The following ARB2A variants were observed in gnomAD, a reference collection of about 807,000 sequenced individuals.
ARB2A encodes the protein cotranscriptional regulator ARB2A.
the ARB2A span, among the ~76,000 whole-genome samples, chr5:93,803,748 T>G: frequency 6.6e-6 from 1 of 151,872 alleles, no homozygotes; most frequent in Non-Finnish European, 1.5e-5. Context: ...CTTCCATTTT[T>G]GGACATAAGA....
the ARB2A span, among the ~76,000 whole-genome samples, chr5:94,099,862 T>C: frequency 6.6e-6 from 1 of 151,994 alleles, no homozygotes; most frequent in Non-Finnish European, 1.5e-5. Context: ...CTGGAAGCAT[T>C]CCCCTGAAAA....
At chr5:93,879,266 G>T in the ARB2A span, among the ~76,000 whole-genome samples, 65 of 152,090 alleles carry the variant, frequency 4.3e-4, no homozygotes, top group Non-Finnish European at 4.4e-5. Context: ...CTATCTAGAA[G>T]TATGTTTGAA....
At chr5:93,781,804 T>C in the ARB2A span, 3 of 819,488 alleles carry the variant, frequency 3.7e-6, no homozygotes, top group African/African-American at 1.9e-5. Context: ...TTCATATGTT[T>C]ATTGGCCACT....
the ARB2A span, among the ~76,000 whole-genome samples, chr5:93,815,771 C>T: frequency 6.6e-6 from 1 of 152,056 alleles, no homozygotes; most frequent in African/African-American, 2.4e-5. Flanking sequence ...CTCTTAAAAC[C>T]AATTACTAGA....
At chr5:93,698,897 T>G in the ARB2A span, among the ~76,000 whole-genome samples, 4 of 152,280 alleles carry the variant, frequency 2.6e-5, no homozygotes, top group Non-Finnish European at 4.4e-5. Flanking sequence ...GTGGGGGTCA[T>G]GCAGGGTGCC....
the ARB2A span, among the ~76,000 whole-genome samples, chr5:93,969,021 T>TC: frequency 6.8e-6 from 1 of 148,126 alleles, no homozygotes; most frequent in African/African-American, 2.4e-5. Flanking sequence ...TTTTTTTCTT[T>TC]TTTTTTTTTT....
chr5:94,043,362 C>T, the ARB2A span, among the ~76,000 whole-genome samples: 3 of 152,178 alleles, frequency 2.0e-5, no homozygotes. Flanking sequence ...AAGTATACTC[C>T]TGTGAACAAA....
chr5:93,827,971 C>T, the ARB2A span, among the ~76,000 whole-genome samples: 1 of 152,134 alleles, frequency 6.6e-6, no homozygotes, highest in Non-Finnish European at 1.5e-5. Context: ...GGTACCAGTA[C>T]CATGCTGTTT....
At chr5:94,031,233 C>T in the ARB2A span, among the ~76,000 whole-genome samples, 16 of 152,150 alleles carry the variant, frequency 1.1e-4, no homozygotes, top group East Asian at 3.9e-4. Flanking sequence ...TTCTGGTGAG[C>T]GCTCAGAAGA....
At chr5:93,901,584 T>C in the ARB2A span, among the ~76,000 whole-genome samples, 1 of 152,168 alleles carries the variant, frequency 6.6e-6, no homozygotes, top group East Asian at 1.9e-4. Context: ...GAAAGATGTT[T>C]ATAAAGTTTT....
chr5:93,646,266 T>A, the ARB2A span, among the ~76,000 whole-genome samples: 3 of 152,094 alleles, frequency 2.0e-5, no homozygotes, highest in African/African-American at 7.2e-5. Flanking sequence ...TATATAGCCA[T>A]AGTCGCTCTT....
the ARB2A span, among the ~76,000 whole-genome samples, chr5:93,929,098 A>T: frequency 6.6e-6 from 1 of 152,180 alleles, no homozygotes; most frequent in Non-Finnish European, 1.5e-5. Flanking sequence ...CTTTTCCACC[A>T]TTAGATACAT....
the ARB2A span, among the ~76,000 whole-genome samples, chr5:93,848,498 TTTC>T: frequency 2.0e-5 from 3 of 152,174 alleles, no homozygotes; most frequent in Non-Finnish European, 2.9e-5. Context: ...AAAATATTAT[TTTC>T]TTCTTCTCTT....
chr5:93,647,970 A>G, the ARB2A span, among the ~76,000 whole-genome samples: 1 of 151,962 alleles, frequency 6.6e-6, no homozygotes, highest in Admixed American at 6.6e-5. Flanking sequence ...TGGGGAAAAC[A>G]CATCTCTACA....
At chr5:93,851,579 A>G in the ARB2A span, among the ~76,000 whole-genome samples, 10 of 152,266 alleles carry the variant, frequency 6.6e-5, no homozygotes, top group Admixed American at 6.5e-4. Flanking sequence ...CATTAGGTAT[A>G]TCTCCTAAAG....
At chr5:93,770,408 G>A in the ARB2A span, among the ~76,000 whole-genome samples, 1 of 152,120 alleles carries the variant, frequency 6.6e-6, no homozygotes, top group Non-Finnish European at 1.5e-5. Context: ...AGACAGGGAT[G>A]CCCCCTCTCA....
the ARB2A span, among the ~76,000 whole-genome samples, chr5:93,796,761 C>T: frequency 2.0e-5 from 3 of 152,100 alleles, no homozygotes; most frequent in Non-Finnish European, 4.4e-5. Context: ...TAAAATCCGA[C>T]TTGGATTACA....
the ARB2A span, among the ~76,000 whole-genome samples, chr5:93,701,593 T>C: frequency 6.6e-6 from 1 of 152,096 alleles, no homozygotes; most frequent in East Asian, 1.9e-4. Context: ...TTTTTTTAAT[T>C]ATTTCAGTAT....
At chr5:93,942,436 T>C in the ARB2A span, among the ~76,000 whole-genome samples, 10 of 152,034 alleles carry the variant, frequency 6.6e-5, no homozygotes, top group Admixed American at 2.6e-4. Flanking sequence ...AATTTAGAAG[T>C]CTTACATTTC....
Sources: gnomAD v4.1 joint callset for allele counts (sites outside exome capture counted in the v4.1 genomes callset) on GRCh38, gnomAD v4.1.1 for gene constraint, MANE v1.5 for transcripts, NCBI Gene and HGNC (gene_info 2026-07-23, HGNC 2026-07-21) for gene names.